The following MPPED2 variants were observed in gnomAD, a reference collection of about 807,000 sequenced individuals.
MPPED2 encodes the protein metallophosphoesterase domain containing 2.
Under a neutral mutation model 33.0 loss-of-function variants are expected in MPPED2, and 5 were observed. The ratio of observed to expected loss-of-function variants is 0.15; its 90% CI spans 0.08 to 0.32. MPPED2 has a LOEUF of 0.32. MPPED2 is among the 10% of genes least tolerant of loss of function. The pLI is 1.00. For missense variants in MPPED2, 275 were observed against 372.1 expected, an observed-to-expected ratio of 0.74 and a Z score of 2.15; for synonymous variants, 136 against 141.9, an observed-to-expected ratio of 0.96 and a Z score of 0.29.
chr11:30,535,680 T>C (rs1318108041), intron 3 of MPPED2, among the ~76,000 whole-genome samples: 1 of 152,156 alleles, frequency 6.6e-6, no homozygotes, highest in East Asian at 1.9e-4. Context: ...GAATTAAAAA[T>C]ATGATTCTAG....
intron 4 of MPPED2, among the ~76,000 whole-genome samples, chr11:30,431,608 GA>G (rs764454661): frequency 1.3e-5 from 2 of 152,192 alleles, no homozygotes; most frequent in Non-Finnish European, 2.9e-5. Flanking sequence ...GCAGATGGTG[GA>G]AACTGCCTGT....
intron 2 of MPPED2, among the ~76,000 whole-genome samples, chr11:30,560,233 T>C (rs1323427206): frequency 1.3e-5 from 2 of 152,110 alleles, no homozygotes; most frequent in Non-Finnish European, 2.9e-5. Context: ...TCCTCTGTCT[T>C]AAGGATACCT....
chr11:30,493,509 G>C (rs895283604), intron 4 of MPPED2, among the ~76,000 whole-genome samples: 1 of 151,978 alleles, frequency 6.6e-6, no homozygotes, highest in Non-Finnish European at 1.5e-5. Flanking sequence ...GAAGGACTGG[G>C]GTACTTTTCT....
chr11:30,448,654 T>A (rs1949916971), intron 4 of MPPED2, among the ~76,000 whole-genome samples: 1 of 152,168 alleles, frequency 6.6e-6, no homozygotes. Context: ...AAGGCCTTTC[T>A]TGAAATCTCA....
At chr11:30,412,245 C>T (rs899456709) in intron 6 of MPPED2, among the ~76,000 whole-genome samples, 3 of 149,012 alleles carry the variant, frequency 2.0e-5, no homozygotes, top group African/African-American at 7.5e-5. Flanking sequence ...TACCTGGATA[C>T]TAGATCAAGC....
At chr11:30,419,504 G>C (rs1050971169) in intron 4 of MPPED2, among the ~76,000 whole-genome samples, 1 of 152,082 alleles carries the variant, frequency 6.6e-6, no homozygotes, top group Non-Finnish European at 1.5e-5. Flanking sequence ...TAGTGGAGTG[G>C]ATACCTGTTG....
At chr11:30,445,715 T>A (rs191784533) in intron 4 of MPPED2, among the ~76,000 whole-genome samples, 2 of 152,342 alleles carry the variant, frequency 1.3e-5, no homozygotes, top group Admixed American at 1.3e-4. Context: ...TATACGTTCT[T>A]TTGTGTCTGG....
intron 2 of MPPED2, among the ~76,000 whole-genome samples, chr11:30,570,642 A>G (rs1276111182): frequency 6.6e-5 from 10 of 152,234 alleles, no homozygotes; most frequent in Non-Finnish European, 1.2e-4. Context: ...TAAAATGCCT[A>G]TGTCATAGAA....
In MPPED2 at chr11:30,515,213, C is replaced by G. The variant is rs552265496; in HGVS notation, c.311-19692G>C. 6.6e-5 allele frequency among the ~76,000 whole-genome samples: 10 copies of G among 152,196 alleles called. No individual in the cohort carries two copies. In the East Asian group the frequency reaches 7.7e-4, roughly 12 times the overall value. ...GCTAAATGAAGTCTACAGGGGTCAT[C>G]ATGAAAAGAGAGTGGAAAAGAATGG... On this transcript the variant is annotated intron_variant, in intron 3 of 6. Transcript: ENST00000358117.
intron 3 of MPPED2, 33 bp from the exon 4 acceptor site, chr11:30,495,554 G>T: frequency 6.6e-7 from 1 of 1,510,066 alleles, no homozygotes; most frequent in Non-Finnish European, 9.2e-7. Context: ...CAATTAGCAC[G>T]TTCATTTCCC....
chr11:30,428,933 T>C (rs1311868349), intron 4 of MPPED2: 5 of 152,210 alleles, frequency 3.3e-5, no homozygotes, highest in Non-Finnish European at 1.5e-5. Context: ...CCATACTTCA[T>C]ATGACCTCCA....
intron 6 of MPPED2, among the ~76,000 whole-genome samples, chr11:30,394,569 C>T (rs1197797994): frequency 6.6e-6 from 1 of 152,068 alleles, no homozygotes; most frequent in Non-Finnish European, 1.5e-5. Context: ...TCCACAGATC[C>T]TCTTTGGTTA....
At position 30,394,524 on chromosome 11, in the gene MPPED2, T is replaced by A. The variant is rs542224167; in HGVS notation, c.767-5568A>T. 3.3e-5 allele frequency among the ~76,000 whole-genome samples: 5 copies of A among 152,306 alleles called. No homozygotes were observed. The East Asian group carries it at 9.7e-4, about 29-fold the overall frequency. ...TAATTTGCATTTTCTTAGTAGCTAA[T>A]AAGGTCGGAAATCTTTTCTTATGCT... On this transcript the variant is annotated intron_variant, in intron 6 of 6. Transcript: ENST00000448418.
chr11:30,396,008 G>A (rs1018431617), intron 6 of MPPED2, among the ~76,000 whole-genome samples: 1 of 152,120 alleles, frequency 6.6e-6, no homozygotes, highest in Non-Finnish European at 1.5e-5. Context: ...TAACGGGCTT[G>A]AGGAGATCGT....
downstream of MPPED2, among the ~76,000 whole-genome samples, chr11:30,408,963 C>T (rs1277219717): frequency 1.3e-5 from 2 of 152,162 alleles, no homozygotes; most frequent in Non-Finnish European, 2.9e-5. Flanking sequence ...AGAGGCAGCT[C>T]GTGCATATGA....
chr11:30,564,332 C>T (rs1956353683), intron 2 of MPPED2, among the ~76,000 whole-genome samples: 1 of 152,172 alleles, frequency 6.6e-6, no homozygotes, highest in South Asian at 2.1e-4. Context: ...GGAAGGTCTT[C>T]TACCTCTGAT....
chr11:30,561,877 C>G (rs1956256032), intron 2 of MPPED2, among the ~76,000 whole-genome samples: 1 of 152,110 alleles, frequency 6.6e-6, no homozygotes, highest in Admixed American at 6.6e-5. Flanking sequence ...GCAGTAACAC[C>G]ACTTCCTTTT....
At chr11:30,493,683 C>G (rs1416212094) in intron 4 of MPPED2, among the ~76,000 whole-genome samples, 1 of 151,646 alleles carries the variant, frequency 6.6e-6, no homozygotes, top group African/African-American at 2.4e-5. Context: ...AAAACTGGCT[C>G]TAGGGCCTAA....
chr11:30,498,457 A>C (rs1952396243), intron 3 of MPPED2, among the ~76,000 whole-genome samples: 1 of 151,580 alleles, frequency 6.6e-6, no homozygotes, highest in South Asian at 2.1e-4. Flanking sequence ...TGGTAGCAGG[A>C]GAATTGCTTG....
Sources: gnomAD v4.1 joint callset for allele counts (sites outside exome capture counted in the v4.1 genomes callset) on GRCh38, gnomAD v4.1.1 for gene constraint, MANE v1.5 for transcripts, NCBI Gene and HGNC (gene_info 2026-07-23, HGNC 2026-07-21) for gene names.